Variants in UBE3B observed in about 807,000 individuals in gnomAD.
UBE3B encodes ubiquitin-protein ligase E3B.
UBE3B carries 80 observed loss-of-function variants against 132.3 expected under a neutral mutation model. The ratio of observed to expected loss-of-function variants is 0.60; its 90% CI spans 0.50 to 0.73. UBE3B has a LOEUF of 0.73. UBE3B is among the 30% of genes least tolerant of loss of function. The probability of loss-of-function intolerance (pLI) is 0.00; values close to 1 mark genes in which losing one functional copy is unlikely to be tolerated. For missense variants in UBE3B, 1,196 were observed against 1,362.5 expected (o/e 0.88, Z 1.92); for synonymous variants, 487 against 520.4 (o/e 0.94, Z 0.87).
intron 15 of UBE3B, chr12:109,508,546 T>A (rs1360979257): frequency 1.0e-6 from 1 of 985,420 alleles, no homozygotes; most frequent in African/African-American, 1.7e-5. Context: ...TGAAGAATTA[T>A]AAGATACAAT....
At chr12:109,524,604 C>T in intron 23 of UBE3B, 101 bp downstream of exon 23, 2 of 1,340,788 alleles carry the variant, frequency 1.5e-6, no homozygotes, top group Non-Finnish European at 2.1e-6. Context: ...CAAGCTGAGG[C>T]TCTGTCTGGT....
intron 4 of UBE3B, among the ~76,000 whole-genome samples, chr12:109,484,203 A>G (rs978733745): frequency 6.6e-6 from 1 of 152,200 alleles, no homozygotes; most frequent in Non-Finnish European, 1.5e-5. Context: ...ACTCAGATGC[A>G]TGCAAGAGTC....
At chr12:109,509,535 A>AT (rs1230575689) in intron 15 of UBE3B, 61 bp from the exon 16 acceptor site, 50 of 1,119,214 alleles carry the variant, frequency 4.5e-5, no homozygotes, top group South Asian at 5.9e-5. Context: ...AGCAGTACAG[A>AT]TTTTTTTTCT....
At chr12:109,511,143 C>T in intron 17 of UBE3B, 61 bp from the exon 18 acceptor site, 3 of 1,506,302 alleles carry the variant, frequency 2.0e-6, no homozygotes, top group East Asian at 2.3e-5. Context: ...ATTTCCCAGC[C>T]TCACACTAGA....
chr12:109,534,146 C>A lies in UBE3B; in HGVS notation c.3016-445C>A, dbSNP rs376253129. On this transcript the variant is annotated intron_variant, in intron 27 of 27. Coordinates refer to ENST00000342494, the MANE Select transcript of UBE3B (RefSeq NM_130466.4). The surrounding 1 kb of genome is among the most constrained non-coding windows in gnomAD (Gnocchi z 5.2). ...GATGCAGTTTGAGCCCGTGATGCCA[C>A]CTTGTACAGGAAGCTACACAGTCCT... 10 of 1,288,712 alleles carry A rather than the reference C, an allele frequency of 7.8e-6. No homozygotes were observed. In the East Asian group the frequency reaches 1.6e-4, roughly 21 times the overall value. The allele number at this position is 1,288,712 out of a possible 1,614,324, so 79.8% of individuals were successfully genotyped here. A position where few individuals can be genotyped will look rare whatever the true frequency, so the allele number is the denominator to read the frequency against.
At chr12:109,537,540 A>G (rs1469136370), downstream of UBE3B, among the ~76,000 whole-genome samples, 1 of 152,168 alleles carries the variant, frequency 6.6e-6, no homozygotes, top group Admixed American at 6.5e-5. Context: ...AGATGTCTCA[A>G]CACCCAAGAA....
intron 9 of UBE3B, among the ~76,000 whole-genome samples, chr12:109,495,662 T>A (rs1878098725): frequency 6.6e-6 from 1 of 152,234 alleles, no homozygotes; most frequent in Admixed American, 6.5e-5. Flanking sequence ...ATAAGCATTG[T>A]TTCTATAGAT....
intron 9 of UBE3B, 85 bp from the exon 10 acceptor site, chr12:109,497,733 G>A: frequency 7.4e-7 from 1 of 1,349,208 alleles, no homozygotes; most frequent in South Asian, 1.2e-5. Flanking sequence ...TAATTTCTAG[G>A]AATTTGAGCA....
chr12:109,506,788 CCTAA>C (rs1879746619), intron 14 of UBE3B, among the ~76,000 whole-genome samples: 1 of 152,200 alleles, frequency 6.6e-6, no homozygotes, highest in Non-Finnish European at 1.5e-5. Context: ...GGAACTGCAG[CCTAA>C]CTTAGTATGT....
At chr12:109,513,381 G>A (rs1426672388) in intron 18 of UBE3B, among the ~76,000 whole-genome samples, 1 of 152,166 alleles carries the variant, frequency 6.6e-6, no homozygotes, top group African/African-American at 2.4e-5. Context: ...AGAGTAGTTC[G>A]TGGTTTCAAC....
chr12:109,526,287 C>T, intron 23 of UBE3B, 71 bp from the exon 24 acceptor site: 1 of 1,445,312 alleles, frequency 6.9e-7, no homozygotes, highest in Non-Finnish European at 9.7e-7. Flanking sequence ...GTGCTGGGCC[C>T]TCTCATCTCC....
chr12:109,485,046 C>A (rs147151278), intron 4 of UBE3B, among the ~76,000 whole-genome samples: 1 of 152,290 alleles, frequency 6.6e-6, no homozygotes, highest in East Asian at 1.9e-4. Context: ...CGTGAGCTAC[C>A]ATCAATGTTC....
At chr12:109,511,997 G>A (rs998639240) in intron 18 of UBE3B, among the ~76,000 whole-genome samples, 3 of 152,170 alleles carry the variant, frequency 2.0e-5, no homozygotes, top group Non-Finnish European at 4.4e-5. Flanking sequence ...TGATGCTCGG[G>A]TGTCTGGCTT....
intron 14 of UBE3B, among the ~76,000 whole-genome samples, chr12:109,504,992 G>A (rs1268868810): frequency 6.6e-6 from 1 of 151,598 alleles, no homozygotes; most frequent in Non-Finnish European, 1.5e-5. Flanking sequence ...TGTATTTTTA[G>A]TTGAGACGGG....
At chr12:109,496,283 G>T (rs1270011802) in intron 9 of UBE3B, among the ~76,000 whole-genome samples, 5 of 152,110 alleles carry the variant, frequency 3.3e-5, no homozygotes, top group African/African-American at 1.2e-4. Context: ...TCCATTATAT[G>T]GATATACCAC....
At chr12:109,517,163 A>C (rs895639677) in intron 19 of UBE3B, among the ~76,000 whole-genome samples, 3 of 152,156 alleles carry the variant, frequency 2.0e-5, no homozygotes, top group Non-Finnish European at 4.4e-5. Context: ...TGTCCCTTTG[A>C]AATGAGGACA....
chr12:109,510,961 G>A (rs950681943), intron 17 of UBE3B, among the ~76,000 whole-genome samples: 3 of 152,210 alleles, frequency 2.0e-5, no homozygotes, highest in Admixed American at 6.5e-5. Context: ...CTTCTGTAAA[G>A]GGCCAGATGA....
chr12:109,537,946 C>T (rs1883514923), downstream of UBE3B, among the ~76,000 whole-genome samples: 1 of 152,178 alleles, frequency 6.6e-6, no homozygotes, highest in South Asian at 2.1e-4. Context: ...CATGATCCCC[C>T]CGCCTCGGCC....
chr12:109,490,307 T>C (rs550859444), intron 8 of UBE3B: 3 of 1,304,324 alleles, frequency 2.3e-6, no homozygotes, highest in Admixed American at 5.0e-5. Flanking sequence ...AGATTCCTTC[T>C]TGGTTGATGT....
Sources: gnomAD v4.1 joint callset for allele counts (sites outside exome capture counted in the v4.1 genomes callset) on GRCh38, gnomAD v4.1.1 for gene constraint, Gnocchi (gnomAD v3.1) non-coding constraint, MANE v1.5 for transcripts, NCBI Gene and HGNC (gene_info 2026-07-23, HGNC 2026-07-21) for gene names.